Variants in UNC13A observed in about 807,000 individuals in gnomAD.
UNC13A encodes the protein unc-13 homolog A.
UNC13A carries 61 observed loss-of-function variants against 219.7 expected under a neutral mutation model. The ratio of observed to expected loss-of-function variants is 0.28; its 90% CI spans 0.23 to 0.34. UNC13A has a LOEUF of 0.34. Among genes scored for constraint, UNC13A ranks in the 10% least tolerant of loss-of-function variants. The pLI is 1.00. For synonymous variants in UNC13A, 920 were observed against 884.6 expected, an observed-to-expected ratio of 1.04 and a Z score of -0.71; for missense variants, 1,476 against 2,270.3, an observed-to-expected ratio of 0.65 and a Z score of 7.11.
Position 17,649,666 on chromosome 19 carries a change from C to T in UNC13A, c.1440-79G>A. The stretch of plus-strand genomic sequence containing the variant: ...AGCCCTGGGGAGAACATTCAACCTC[C>T]CCCAGGTGTTAAGGGGTTGAATTGG... On this transcript the variant is annotated intron_variant, in intron 12 of 43. Transcript: ENST00000519716. The surrounding 1 kb of genome is among the most constrained non-coding windows in gnomAD (Gnocchi z 4.4). 1 of 1,529,760 alleles carries T rather than the reference C, an allele frequency of 6.5e-7. No homozygotes were observed. The highest frequency in any genetic ancestry group is 9.1e-7 in the Non-Finnish European group (1 of 1,104,904). 94.8% of individuals were successfully genotyped at this position (1,529,760 alleles called of 1,614,324 possible).
chr19:17,638,592 C>T (rs558168735), intron 25 of UNC13A, among the ~76,000 whole-genome samples: 6 of 152,072 alleles, frequency 3.9e-5, no homozygotes, highest in Non-Finnish European at 8.8e-5. Flanking sequence ...TTTGGGAGGC[C>T]GAGGCAGGTG....
At chr19:17,629,376 G>T (rs183634774) in intron 30 of UNC13A, 53 bp from the exon 31 acceptor site, 7 of 1,519,018 alleles carry the variant, frequency 4.6e-6, no homozygotes, top group Middle Eastern at 1.7e-4. Flanking sequence ...CAAGGCAGGC[G>T]CCAGTCGTCC....
chr19:17,654,432 G>A (rs956508741), intron 11 of UNC13A, among the ~76,000 whole-genome samples: 1 of 152,120 alleles, frequency 6.6e-6, no homozygotes, highest in African/African-American at 2.4e-5. Flanking sequence ...TTTTAAAACT[G>A]TTAAGAAATT....
At chr19:17,670,644 C>G (rs1207768794) in intron 4 of UNC13A, among the ~76,000 whole-genome samples, 1 of 152,102 alleles carries the variant, frequency 6.6e-6, no homozygotes, top group Non-Finnish European at 1.5e-5. Flanking sequence ...TGACTCACAC[C>G]TGTAATCCCA....
In UNC13A at chr19:17,639,084, G is replaced by A. The variant is rs200328448; in HGVS notation, c.3080C>T (p.Pro1027Leu). 10,907 of 1,590,096 alleles carry A rather than the reference G, an allele frequency of 6.9e-3. 58 individuals are homozygous for A. The highest frequency in any genetic ancestry group is 8.2e-3 in the Non-Finnish European group (9,617 of 1,168,072). The stretch of plus-strand genomic sequence containing the variant: ...CTTCTGACCCATCTGGAGTCTCACC[G>A]GGTCTGTCTGGTACTCCCGGCTGTA... ...ELYSREYQTD[P>L]AKKGEVLPEE... is the part of the protein sequence containing the mutation. Residue 1027 changes from proline to leucine, a missense_variant and splice_region_variant, in exon 25 of 44, where the codon CCG becomes CTG. Pro to Leu is a moderately conservative substitution (Grantham distance 98). Transcript: ENST00000519716.
chr19:17,604,096 C>T lies in UNC13A; in HGVS notation c.*1958G>A, dbSNP rs1237346764. ...CCAAATGCTGGGATTATAGTCATGT[C>T]CCCACAGCTATAGGTGTCTTTTCAA... On this transcript the variant is annotated 3_prime_UTR_variant, in exon 44 of 44. Coordinates refer to ENST00000519716, the MANE Select transcript of UNC13A (RefSeq NM_001080421.3). 1 of 152,126 alleles carries T rather than the reference C, an allele frequency of 6.6e-6. No homozygotes were observed. The highest frequency in any genetic ancestry group is 1.9e-4 in the East Asian group (1 of 5,192). 9.4% of individuals were successfully genotyped at this position (152,126 alleles called of 1,614,324 possible).
intron 16 of UNC13A, among the ~76,000 whole-genome samples, chr19:17,647,727 A>C (rs1599374664): frequency 6.0e-5 from 8 of 133,822 alleles, no homozygotes; most frequent in South Asian, 2.4e-4. Flanking sequence ...TCTGCCCCGC[A>C]CCCCTTGGAG....
In UNC13A at chr19:17,674,353, A is replaced by G. The variant is rs1266418296; in HGVS notation, c.152+304T>C. On this transcript the variant is annotated intron_variant, in intron 3 of 43. Transcript: ENST00000519716. This position sits in a 1 kb window ranked among gnomAD's most constrained non-coding sequence, Gnocchi z 5.0. ...TGGAACATGGGAGCGACAGGATGTG[A>G]TTTGCAGTTTTAAAAATATCCCCCT... is the stretch of plus-strand genomic sequence containing the variant. Among the ~76,000 whole-genome samples the G allele has an allele frequency of 2.0e-5, 3 of 152,128 alleles. No homozygotes were observed. Among genetic ancestry groups the G allele is most frequent in the Non-Finnish European group, 2.9e-5 (2 of 68,024 alleles).
At chr19:17,625,388 A>G (rs548648543) in intron 34 of UNC13A, among the ~76,000 whole-genome samples, 62 of 152,212 alleles carry the variant, frequency 4.1e-4, no homozygotes, top group African/African-American at 1.4e-3. Context: ...CTTGAAAGGG[A>G]AAACAGCAAA....
At chr19:17,644,234 G>A (rs1225416784) in intron 19 of UNC13A, among the ~76,000 whole-genome samples, 1 of 152,110 alleles carries the variant, frequency 6.6e-6, no homozygotes, top group African/African-American at 2.4e-5. Context: ...TATCGCCCAG[G>A]CTGGAGTGCA....
intron 7 of UNC13A, among the ~76,000 whole-genome samples, chr19:17,665,203 GA>G (rs11438652): frequency 6.2e-5 from 9 of 146,186 alleles, no homozygotes; most frequent in African/African-American, 1.8e-4. Flanking sequence ...CTATCTCCAA[GA>G]AAAAAAAAAA....
intron 8 of UNC13A, among the ~76,000 whole-genome samples, 187 bp downstream of exon 8, chr19:17,663,345 C>T (rs1404886187): frequency 6.7e-6 from 1 of 149,098 alleles, no homozygotes; most frequent in Non-Finnish European, 1.5e-5. Context: ...TGGCAGGCCT[C>T]CCAAGACAGG....
rs1207434694 is a variant in UNC13A at position 17,636,037 on chromosome 19, G to A, written c.3202C>T (p.Pro1068Ser). ...TACACAACTCACTGGTTGAGGCAGG[G>A]AGTGTAGGAATTCTTGTCTTCCTCA... ...IIEEDKNSYT[P>S]CLNQFPQELN... is the part of the protein sequence containing the mutation. Residue 1068 changes from proline (P) to serine (S), a missense_variant, in exon 26 of 44, where the codon CCC becomes TCC. Physicochemically the swap from Pro to Ser is moderately conservative, Grantham distance 74 (BLOSUM62 -1). Transcript: ENST00000519716. 2.5e-6 allele frequency: 4 copies of A among 1,611,906 alleles called. No individual in the cohort carries two copies. Among genetic ancestry groups the A allele is most frequent in the Non-Finnish European group, 3.4e-6 (4 of 1,178,414 alleles).
intron 1 of UNC13A, among the ~76,000 whole-genome samples, chr19:17,680,815 G>A (rs1380071770): frequency 2.0e-5 from 3 of 149,958 alleles, no homozygotes; most frequent in Non-Finnish European, 4.4e-5. Context: ...CTGGATTCTA[G>A]GATTTGAATA....
At chr19:17,664,954 C>A (rs2079614379) in intron 7 of UNC13A, among the ~76,000 whole-genome samples, 1 of 152,126 alleles carries the variant, frequency 6.6e-6, no homozygotes, top group South Asian at 2.1e-4. Flanking sequence ...AATCCCAGCA[C>A]TTTGGGAAGC....
chr19:17,646,180 C>T, intron 17 of UNC13A, 69 bp from the exon 18 acceptor site: 1 of 1,590,518 alleles, frequency 6.3e-7, no homozygotes, highest in Non-Finnish European at 8.6e-7. Context: ...CAGTCACTGC[C>T]ACACGCTGCA....
intron 22 of UNC13A, 86 bp downstream of exon 22, chr19:17,640,425 G>C: frequency 1.4e-6 from 2 of 1,464,962 alleles, no homozygotes; most frequent in Non-Finnish European, 1.8e-6. Context: ...ATCAGGTCTA[G>C]ACTGGGGACC....
Position 17,609,929 on chromosome 19 carries a change from C to T in UNC13A, c.4811+11G>A. 6.2e-7 allele frequency: 1 copy of T among 1,613,078 alleles called. No homozygotes were observed. The highest frequency in any genetic ancestry group is 8.5e-7 in the Non-Finnish European group (1 of 1,179,858). ...CTTGCCCCCATGCTCTTCAAAGCAT[C>T]CCAAACTCACAACTGGAAGCTCTCA... On this transcript the variant is annotated intron_variant, in intron 43 of 43. Coordinates refer to ENST00000519716, the MANE Select transcript of UNC13A (RefSeq NM_001080421.3).
intron 1 of UNC13A, among the ~76,000 whole-genome samples, chr19:17,684,821 A>G (rs1316513548): frequency 6.6e-6 from 1 of 152,230 alleles, no homozygotes; most frequent in African/African-American, 2.4e-5. Context: ...GGGAGTCTGC[A>G]CATGTGTGTC....
Sources: gnomAD v4.1 joint callset for allele counts (sites outside exome capture counted in the v4.1 genomes callset) on GRCh38, gnomAD v4.1.1 for gene constraint, Gnocchi (gnomAD v3.1) non-coding constraint, MANE v1.5 for transcripts, NCBI Gene and HGNC (gene_info 2026-07-23, HGNC 2026-07-21) for gene names.